The following MAP4 variants were observed in gnomAD, a reference collection of about 807,000 sequenced individuals.
The protein encoded by MAP4 is microtubule associated protein 4.
MAP4 carries 76 observed loss-of-function variants against 170.2 expected under a neutral mutation model. The observed-to-expected ratio is 0.45, with a 90% CI of 0.37 to 0.54. The LOEUF is 0.54. MAP4 is among the 20% of genes least tolerant of loss of function. MAP4 has a pLI of 0.00. For missense variants in MAP4, 2,506 were observed against 2,748.0 expected (o/e 0.91, Z 1.97); for synonymous variants, 909 against 994.5 (o/e 0.91, Z 1.62).
chr3:48,012,400 C>T (rs1443902945), intron 1 of MAP4, among the ~76,000 whole-genome samples: 1 of 152,178 alleles, frequency 6.6e-6, no homozygotes, highest in Non-Finnish European at 1.5e-5. Flanking sequence ...GCATCAGTTT[C>T]ATGGTCAAAG....
At chr3:48,071,644 G>T (rs920478792) in intron 1 of MAP4, among the ~76,000 whole-genome samples, 1 of 152,170 alleles carries the variant, frequency 6.6e-6, no homozygotes, top group Non-Finnish European at 1.5e-5. Context: ...GAAAAAAGTA[G>T]CCGGGTGCAG....
intron 1 of MAP4, among the ~76,000 whole-genome samples, chr3:48,062,513 A>C (rs1044174556): frequency 8.0e-5 from 12 of 150,628 alleles, no homozygotes; most frequent in African/African-American, 2.7e-4. Flanking sequence ...AAAAAAAAAA[A>C]AAAACATCAC....
At chr3:47,923,740 T>C (rs1243093778) in intron 4 of MAP4, among the ~76,000 whole-genome samples, 1 of 151,968 alleles carries the variant, frequency 6.6e-6, no homozygotes, top group African/African-American at 2.4e-5. Flanking sequence ...CACTTGAGCC[T>C]GGGGAGGTTG....
intron 3 of MAP4, among the ~76,000 whole-genome samples, chr3:47,966,673 C>G (rs1024625843): frequency 1.3e-5 from 2 of 152,188 alleles, no homozygotes; most frequent in Admixed American, 6.5e-5. Flanking sequence ...AACCACTGTT[C>G]CCAGCAGGAT....
chr3:48,045,218 ACTGTGT>A (rs2100123801), intron 1 of MAP4, among the ~76,000 whole-genome samples: 1 of 145,516 alleles, frequency 6.9e-6, no homozygotes, highest in Non-Finnish European at 1.5e-5. Context: ...AGATCGCACC[ACTGTGT>A]TCCAGCCTGG....
chr3:47,886,681 C>T (rs2097651085), intron 10 of MAP4, among the ~76,000 whole-genome samples: 1 of 152,214 alleles, frequency 6.6e-6, no homozygotes, highest in Non-Finnish European at 1.5e-5. Context: ...AACTTACTAA[C>T]TCCTTCAATG....
intron 1 of MAP4, among the ~76,000 whole-genome samples, chr3:48,076,633 C>T (rs1248692266): frequency 2.0e-5 from 3 of 151,846 alleles, no homozygotes; most frequent in African/African-American, 7.3e-5. Context: ...GGGCAGATAT[C>T]ATGCCACTGC....
intron 1 of MAP4, among the ~76,000 whole-genome samples, chr3:48,079,777 C>T (rs902073473): frequency 6.6e-6 from 1 of 151,834 alleles, no homozygotes; most frequent in Non-Finnish European, 1.5e-5. Flanking sequence ...AGTGAAACAC[C>T]GTCTCTACTA....
intron 6 of MAP4, 105 bp from the exon 7 acceptor site, chr3:47,917,279 T>A: frequency 1.2e-6 from 1 of 865,974 alleles, no homozygotes; most frequent in Non-Finnish European, 1.8e-6. Flanking sequence ...ACCATAAGAC[T>A]GTACACATAA....
intron 1 of MAP4, among the ~76,000 whole-genome samples, chr3:48,032,369 G>T (rs1184201837): frequency 6.6e-6 from 1 of 151,988 alleles, no homozygotes; most frequent in Non-Finnish European, 1.5e-5. Context: ...GGGCATGGTG[G>T]TGTGCGCCTG....
chr3:47,963,547 T>C (rs936848646), intron 3 of MAP4, among the ~76,000 whole-genome samples: 6 of 152,246 alleles, frequency 3.9e-5, no homozygotes, highest in African/African-American at 1.2e-4. Context: ...GAAAGATGCG[T>C]ACCAATAACC....
chr3:47,973,085 G>A, intron 3 of MAP4: 1 of 979,938 alleles, frequency 1.0e-6, no homozygotes, highest in Non-Finnish European at 1.2e-6. Context: ...TCCATAAGGT[G>A]TTAATGTAAG....
chr3:47,922,513 T>C (rs896522737), intron 4 of MAP4, among the ~76,000 whole-genome samples: 1 of 152,026 alleles, frequency 6.6e-6, no homozygotes, highest in Non-Finnish European at 1.5e-5. Flanking sequence ...TATATATTTA[T>C]ATAACATTCA....
chr3:47,955,435 T>TACACACACAC (rs3079351), intron 3 of MAP4, among the ~76,000 whole-genome samples: 31 of 135,486 alleles, frequency 2.3e-4, no homozygotes, highest in African/African-American at 7.2e-4. Flanking sequence ...AATAAGCACG[T>TACACACACAC]ACACACACAC....
At chr3:47,924,896 C>T (rs1219563327) in intron 4 of MAP4, among the ~76,000 whole-genome samples, 2 of 151,990 alleles carry the variant, frequency 1.3e-5, no homozygotes, top group African/African-American at 2.4e-5. Context: ...CTGCAACCTC[C>T]GCCTCCCAGG....
At chr3:47,875,627 TATCTG>T (rs2095097475) in intron 12 of MAP4, 53 bp downstream of exon 12, 1 of 1,410,630 alleles carries the variant, frequency 7.1e-7, no homozygotes, top group Admixed American at 2.0e-5. Flanking sequence ...AGGATCTGTC[TATCTG>T]ACACTCAGAG....
chr3:47,945,487 C>T (rs773681394), intron 3 of MAP4, among the ~76,000 whole-genome samples: 1 of 151,998 alleles, frequency 6.6e-6, no homozygotes, highest in Non-Finnish European at 1.5e-5. Context: ...CTATTCCCAG[C>T]ACCATGTATC....
chr3:48,069,788 C>G (rs769953591), intron 1 of MAP4, among the ~76,000 whole-genome samples: 4 of 152,162 alleles, frequency 2.6e-5, no homozygotes, highest in African/African-American at 4.8e-5. Context: ...ATGGAACATA[C>G]TAAATTGGTT....
At chr3:47,903,169 G>A (rs1348891688) in intron 9 of MAP4, among the ~76,000 whole-genome samples, 169 bp from the exon 10 acceptor site, 3 of 152,130 alleles carry the variant, frequency 2.0e-5, no homozygotes, top group African/African-American at 7.2e-5. Context: ...ACATGGAGCG[G>A]GTATTGGAAT....
Sources: allele counts gnomAD v4.1 joint callset (sites outside exome capture counted in the v4.1 genomes callset), GRCh38; gene constraint gnomAD v4.1.1; transcripts MANE v1.5; gene names NCBI Gene and HGNC (gene_info 2026-07-23, HGNC 2026-07-21).